Variants in SDK1 observed in about 807,000 individuals in gnomAD.
SDK1 encodes protein sidekick-1.
In SDK1, 157 loss-of-function variants were observed where a neutral mutation model predicts 245.5. The ratio of observed to expected loss-of-function variants is 0.64; its 90% CI spans 0.56 to 0.73. SDK1 has a LOEUF of 0.73. Among genes scored for constraint, SDK1 ranks in the 30% least tolerant of loss-of-function variants. SDK1 has a pLI of 0.00. For missense variants in SDK1, 3,583 were observed against 3,002.3 expected (o/e 1.19, Z -4.52); for synonymous variants, 1,647 against 1,278.5 (o/e 1.29, Z -6.15).
intron 28 of SDK1, among the ~76,000 whole-genome samples, chr7:4,137,191 G>C (rs966060565): frequency 6.6e-6 from 1 of 152,198 alleles, no homozygotes; most frequent in Non-Finnish European, 1.5e-5. Flanking sequence ...GCTACTCAGG[G>C]GGCTGAGGCA....
intron 12 of SDK1, among the ~76,000 whole-genome samples, chr7:3,972,101 A>G: frequency 1.5e-5 from 2 of 135,948 alleles, no homozygotes; most frequent in East Asian, 2.1e-4. Context: ...TTTTTTTGAG[A>G]CAGAGCCTTG....
chr7:3,845,913 AATTTG>A (rs1780266568), intron 5 of SDK1, among the ~76,000 whole-genome samples: 1 of 152,172 alleles, frequency 6.6e-6, no homozygotes, highest in Non-Finnish European at 1.5e-5. Context: ...GTAGAAATGA[AATTTG>A]ATTTGAGCTG....
At chr7:3,619,579 C>G (rs1292867450) in intron 2 of SDK1, among the ~76,000 whole-genome samples, 1 of 152,208 alleles carries the variant, frequency 6.6e-6, no homozygotes, top group African/African-American at 2.4e-5. Context: ...AAGTATTGCT[C>G]CTGTCTAGGC....
At chr7:4,013,035 G>T (rs954287797) in intron 16 of SDK1, among the ~76,000 whole-genome samples, 2 of 152,182 alleles carry the variant, frequency 1.3e-5, no homozygotes, top group Non-Finnish European at 2.9e-5. Context: ...CAAAGATCTA[G>T]CTTTGTACCT....
At chr7:3,949,413 C>A (rs1481668000) in intron 5 of SDK1, among the ~76,000 whole-genome samples, 1 of 152,306 alleles carries the variant, frequency 6.6e-6, no homozygotes, top group African/African-American at 2.4e-5. Context: ...ATGAGAAGCC[C>A]GTCGTCTCTT....
At chr7:4,251,034 G>C (rs1787260319) in intron 44 of SDK1, among the ~76,000 whole-genome samples, 1 of 152,162 alleles carries the variant, frequency 6.6e-6, no homozygotes, top group Non-Finnish European at 1.5e-5. Flanking sequence ...CATGCAATAT[G>C]TGGTTTTGTG....
At chr7:4,149,177 C>G (rs573788836) in intron 29 of SDK1, 85 bp from the exon 30 acceptor site, 4 of 1,158,658 alleles carry the variant, frequency 3.5e-6, no homozygotes, top group African/African-American at 1.6e-5. Context: ...GCAGTCAGCC[C>G]TGTACAGCAG....
chr7:3,910,289 C>T (rs529969091), intron 5 of SDK1, among the ~76,000 whole-genome samples: 2 of 152,186 alleles, frequency 1.3e-5, no homozygotes, highest in Admixed American at 6.5e-5. Context: ...TGCCACATCA[C>T]CACAGCACAA....
chr7:3,940,118 A>T (rs1780302792), intron 5 of SDK1, among the ~76,000 whole-genome samples: 1 of 151,996 alleles, frequency 6.6e-6, no homozygotes, highest in African/African-American at 2.4e-5. Context: ...GTCAGAAAGC[A>T]GGTGGAGGAT....
intron 4 of SDK1, among the ~76,000 whole-genome samples, chr7:3,731,920 T>C (rs1176831084): frequency 1.3e-5 from 2 of 152,090 alleles, no homozygotes; most frequent in Non-Finnish European, 2.9e-5. Context: ...GCCTCCTGAG[T>C]AGCTGGGACT....
chr7:3,868,111 G>A (rs993208576), intron 5 of SDK1, among the ~76,000 whole-genome samples: 1 of 152,160 alleles, frequency 6.6e-6, no homozygotes, highest in African/African-American at 2.4e-5. Flanking sequence ...GGCGTGGAAA[G>A]TTCAAAAGAA....
chr7:3,855,339 C>T (rs10261699), intron 5 of SDK1, among the ~76,000 whole-genome samples: 1 of 151,746 alleles, frequency 6.6e-6, no homozygotes, highest in African/African-American at 2.4e-5. Flanking sequence ...CAAGGAAATG[C>T]TGAATAGAAC....
intron 1 of SDK1, among the ~76,000 whole-genome samples, chr7:3,536,904 T>A (rs1308573701): frequency 6.6e-6 from 1 of 152,236 alleles, no homozygotes; most frequent in Non-Finnish European, 1.5e-5. Context: ...AGTAGTTGTT[T>A]AGTTGAATTA....
At chr7:3,535,815 A>G (rs779731078) in intron 1 of SDK1, among the ~76,000 whole-genome samples, 1 of 152,142 alleles carries the variant, frequency 6.6e-6, no homozygotes, top group Non-Finnish European at 1.5e-5. Flanking sequence ...ATGGATCCTC[A>G]TAAGTTCTTG....
At chr7:3,573,336 G>A (rs547448596) in intron 1 of SDK1, among the ~76,000 whole-genome samples, 2 of 152,234 alleles carry the variant, frequency 1.3e-5, no homozygotes, top group East Asian at 3.9e-4. Flanking sequence ...CAGAGGCGGG[G>A]CCGGTGGGGC....
intron 2 of SDK1, among the ~76,000 whole-genome samples, chr7:3,637,468 C>T (rs1295054559): frequency 1.3e-5 from 2 of 152,178 alleles, no homozygotes. Context: ...TGTCTGTGAA[C>T]GTGGCTGAGA....
At chr7:3,462,860 C>G (rs1319888132) in intron 1 of SDK1, among the ~76,000 whole-genome samples, 1 of 152,166 alleles carries the variant, frequency 6.6e-6, no homozygotes, top group Non-Finnish European at 1.5e-5. Context: ...TGACATCGTG[C>G]TTTTGGGAAA....
intron 4 of SDK1, among the ~76,000 whole-genome samples, chr7:3,766,588 C>T (rs1408989123): frequency 1.3e-5 from 2 of 152,038 alleles, no homozygotes; most frequent in Non-Finnish European, 1.5e-5. Flanking sequence ...TAGAGCAGTA[C>T]TTTTAGTAAG....
intron 1 of SDK1, among the ~76,000 whole-genome samples, chr7:3,539,303 T>G (rs1778986017): frequency 1.3e-5 from 2 of 152,094 alleles, no homozygotes; most frequent in Admixed American, 1.3e-4. Context: ...TAGAGAGAGT[T>G]GGTGCTTAGT....
Sources: allele counts gnomAD v4.1 joint callset (sites outside exome capture counted in the v4.1 genomes callset), GRCh38; gene constraint gnomAD v4.1.1; transcripts MANE v1.5; gene names NCBI Gene and HGNC (gene_info 2026-07-23, HGNC 2026-07-21).